The following GRAMD1B variants were observed in gnomAD, a reference collection of about 807,000 sequenced individuals.
The protein encoded by GRAMD1B is protein Aster-B.
Under a neutral mutation model 99.7 loss-of-function variants are expected in GRAMD1B, and 37 were observed. That is an observed-to-expected ratio of 0.37 (90% CI 0.29 to 0.49). The LOEUF (loss-of-function observed/expected upper bound fraction) is 0.49, where lower values mean the gene tolerates loss of function less well. Among genes scored for constraint, GRAMD1B ranks in the 20% least tolerant of loss-of-function variants. GRAMD1B has a pLI of 0.98. For missense variants in GRAMD1B, 888 were observed against 1,009.2 expected (o/e 0.88, Z 1.63); for synonymous variants, 427 against 387.6 (o/e 1.10, Z -1.19).
intron 2 of GRAMD1B, among the ~76,000 whole-genome samples, chr11:123,549,658 G>T (rs1361763061): frequency 6.6e-6 from 1 of 152,174 alleles, no homozygotes; most frequent in East Asian, 1.9e-4. Flanking sequence ...CCAGAGAAAG[G>T]GTGAGCTACA....
chr11:123,428,434 GA>G (rs1948729797), upstream of GRAMD1B, among the ~76,000 whole-genome samples: 1 of 152,238 alleles, frequency 6.6e-6, no homozygotes, highest in Admixed American at 6.5e-5. Flanking sequence ...TCACTCCTGA[GA>G]GGGCCAGTGG....
chr11:123,518,612 G>A (rs1941903014), intron 2 of GRAMD1B, among the ~76,000 whole-genome samples: 1 of 152,168 alleles, frequency 6.6e-6, no homozygotes, highest in African/African-American at 2.4e-5. Context: ...AGAGCGGCTA[G>A]CAATGGCAGT....
intron 2 of GRAMD1B, chr11:123,491,613 G>A (rs1176229045): frequency 5.9e-6 from 2 of 341,136 alleles, no homozygotes; most frequent in Non-Finnish European, 1.1e-5. Flanking sequence ...TTGGAGCTGT[G>A]GCTTGGGCAG....
At chr11:123,429,569 G>A (rs1449748924), upstream of GRAMD1B, among the ~76,000 whole-genome samples, 2 of 152,180 alleles carry the variant, frequency 1.3e-5, no homozygotes, top group African/African-American at 4.8e-5. This position sits in a 1 kb window ranked among gnomAD's most constrained non-coding sequence, Gnocchi z 4.0. Flanking sequence ...TGGATGCATT[G>A]CTTTGTGGGT....
chr11:123,549,977 G>A (rs1054046427), intron 2 of GRAMD1B, among the ~76,000 whole-genome samples: 2 of 152,134 alleles, frequency 1.3e-5, no homozygotes, highest in African/African-American at 2.4e-5. Context: ...AATCCACATC[G>A]TAGGTACACC....
At chr11:123,379,628 A>C (rs1025042022) in intron 1 of GRAMD1B, among the ~76,000 whole-genome samples, 1 of 152,212 alleles carries the variant, frequency 6.6e-6, no homozygotes, top group African/African-American at 2.4e-5. Flanking sequence ...ATTATGAGTA[A>C]TGCTCCTGTG....
chr11:123,402,291 A>G (rs1304235929), intron 1 of GRAMD1B, among the ~76,000 whole-genome samples: 1 of 152,166 alleles, frequency 6.6e-6, no homozygotes, highest in Non-Finnish European at 1.5e-5. Context: ...TGCTGGGATT[A>G]CAGGTACGAG....
intron 2 of GRAMD1B, among the ~76,000 whole-genome samples, chr11:123,504,189 G>A (rs1940185156): frequency 6.6e-6 from 1 of 152,150 alleles, no homozygotes; most frequent in African/African-American, 2.4e-5. Context: ...TTTTCCCTGA[G>A]GAATTCAGGC....
chr11:123,384,420 G>A (rs1052221650), intron 1 of GRAMD1B, among the ~76,000 whole-genome samples: 11 of 152,140 alleles, frequency 7.2e-5, no homozygotes, highest in Admixed American at 2.6e-4. Flanking sequence ...TCTTTGTGCT[G>A]CTGTATTTTC....
At chr11:123,391,744 C>G (rs921152553) in intron 1 of GRAMD1B, among the ~76,000 whole-genome samples, 1 of 152,216 alleles carries the variant, frequency 6.6e-6, no homozygotes, top group Non-Finnish European at 1.5e-5. Context: ...GTGTGAGCCA[C>G]CACACCCGGC....
intron 6 of GRAMD1B, 70 bp from the exon 7 acceptor site, chr11:123,595,872 A>C (rs1051577835): frequency 1.2e-6 from 1 of 816,614 alleles, no homozygotes; most frequent in Non-Finnish European, 2.0e-6. Flanking sequence ...GCGCCCCCTG[A>C]ACACTGTTTA....
intron 2 of GRAMD1B, among the ~76,000 whole-genome samples, chr11:123,537,747 G>A (rs1487453021): frequency 6.6e-6 from 1 of 152,144 alleles, no homozygotes; most frequent in South Asian, 2.1e-4. Context: ...ACCATTTAGC[G>A]ATTGAGCTTT....
chr11:123,446,066 C>A (rs1367304761), intron 1 of GRAMD1B, among the ~76,000 whole-genome samples: 2 of 152,154 alleles, frequency 1.3e-5, no homozygotes, highest in Non-Finnish European at 2.9e-5. Flanking sequence ...CTCACTGTTG[C>A]TCAGCTTGGC....
At chr11:123,442,836 A>G (rs536161739) in intron 1 of GRAMD1B, among the ~76,000 whole-genome samples, 1 of 144,504 alleles carries the variant, frequency 6.9e-6, no homozygotes, top group Non-Finnish European at 1.5e-5. Context: ...GCATATGCTA[A>G]ACAAGGGGTG....
At chr11:123,374,437 T>C (rs902126383) in intron 1 of GRAMD1B, among the ~76,000 whole-genome samples, 1 of 152,168 alleles carries the variant, frequency 6.6e-6, no homozygotes, top group African/African-American at 2.4e-5. Context: ...CTCTCAAACA[T>C]GGGTATCATT....
chr11:123,398,404 C>A (rs1591431732), intron 1 of GRAMD1B, among the ~76,000 whole-genome samples: 1 of 152,180 alleles, frequency 6.6e-6, no homozygotes, highest in African/African-American at 2.4e-5. Context: ...CCCTAATAAC[C>A]TTATCTAATC....
At chr11:123,536,836 T>A (rs1794191) in intron 2 of GRAMD1B, among the ~76,000 whole-genome samples, 1 of 152,244 alleles carries the variant, frequency 6.6e-6, no homozygotes, top group East Asian at 1.9e-4. Flanking sequence ...TCCCACAAGG[T>A]TATGGTCACT....
At chr11:123,583,080 GTGTA>G (rs764067529) in intron 3 of GRAMD1B, among the ~76,000 whole-genome samples, 179 of 152,212 alleles carry the variant, frequency 1.2e-3, no homozygotes, top group African/African-American at 3.9e-3. Context: ...GTGTCTCTGT[GTGTA>G]TGTATGTGCC....
chr11:123,367,233 C>T (rs537554181), intron 1 of GRAMD1B, among the ~76,000 whole-genome samples: 20 of 152,238 alleles, frequency 1.3e-4, no homozygotes, highest in Admixed American at 1.0e-3. Context: ...AAACAAGGTA[C>T]GCCTTGGGGA....
Sources: gnomAD v4.1 joint callset for allele counts (sites outside exome capture counted in the v4.1 genomes callset) on GRCh38, gnomAD v4.1.1 for gene constraint, Gnocchi (gnomAD v3.1) non-coding constraint, MANE v1.5 for transcripts, NCBI Gene and HGNC (gene_info 2026-07-23, HGNC 2026-07-21) for gene names.